Variants in SUGCT observed in about 807,000 individuals in gnomAD.
SUGCT encodes the protein succinyl-CoA:glutarate-CoA transferase.
In SUGCT, 41 loss-of-function variants were observed where a neutral mutation model predicts 55.0. The ratio of observed to expected loss-of-function variants is 0.74; its 90% CI spans 0.58 to 0.97. The LOEUF (loss-of-function observed/expected upper bound fraction) is 0.97. Ranked by LOEUF, SUGCT falls within the 50% of genes least tolerant of loss-of-function variation. The pLI, the probability that SUGCT is intolerant of heterozygous loss-of-function variation, is 0.00. For missense variants in SUGCT, 568 were observed against 547.8 expected (o/e 1.04, Z -0.37); for synonymous variants, 187 against 200.4 (o/e 0.93, Z 0.56).
the SUGCT span, among the ~76,000 whole-genome samples, chr7:40,928,549 ATTTTT>A: frequency 6.6e-6 from 1 of 151,200 alleles, no homozygotes; most frequent in African/African-American, 2.4e-5. Context: ...TTTGTTTCAC[ATTTTT>A]AATGTAAAGT....
At chr7:40,793,814 C>A (rs1563008311) in intron 13 of SUGCT, among the ~76,000 whole-genome samples, 2 of 151,990 alleles carry the variant, frequency 1.3e-5, no homozygotes, top group Non-Finnish European at 2.9e-5. Context: ...TTTTAACTTT[C>A]ATATTTTTAA....
chr7:40,197,400 C>A (rs1450083200), intron 6 of SUGCT, among the ~76,000 whole-genome samples: 1 of 152,184 alleles, frequency 6.6e-6, no homozygotes, highest in African/African-American at 2.4e-5. Context: ...AAAAACGCTG[C>A]ATAGCCAACA....
intron 9 of SUGCT, among the ~76,000 whole-genome samples, chr7:40,420,321 A>G (rs1787238297): frequency 6.6e-6 from 1 of 151,726 alleles, no homozygotes; most frequent in African/African-American, 2.4e-5. Context: ...AAGAGTATGT[A>G]GTTTTTTTTG....
chr7:40,271,547 T>A (rs1326583952), intron 7 of SUGCT, among the ~76,000 whole-genome samples: 1 of 152,160 alleles, frequency 6.6e-6, no homozygotes, highest in African/African-American at 2.4e-5. Flanking sequence ...TTTTTTTAGC[T>A]TTTTAAAAAT....
In SUGCT at chr7:40,354,511, A is replaced by G. The variant is rs115225255; in HGVS notation, c.816+37656A>G. 3.6e-3 allele frequency among the ~76,000 whole-genome samples: 542 copies of G among 152,358 alleles called. 3 individuals carry two copies. The highest frequency in any genetic ancestry group is 0.012 in the African/African-American group (518 of 41,582). On this transcript the variant is annotated intron_variant, in intron 9 of 13. Coordinates refer to ENST00000335693, the MANE Select transcript of SUGCT (RefSeq NM_001193313.2). ...AGTGCCCACATGAGAGGGAGCCACA[A>G]AGAAATTCTTCTATCTCTTTTTCTT...
At chr7:40,881,083 C>G in the SUGCT span, among the ~76,000 whole-genome samples, 1 of 152,316 alleles carries the variant, frequency 6.6e-6, no homozygotes, top group South Asian at 2.1e-4. Flanking sequence ...CCATCTCATC[C>G]TCCACTATGA....
chr7:40,556,647 T>TTAG (rs1247110974), intron 12 of SUGCT, among the ~76,000 whole-genome samples: 4 of 152,236 alleles, frequency 2.6e-5, no homozygotes, highest in African/African-American at 9.7e-5. Flanking sequence ...GTTCTACCAC[T>TTAG]TAGTGGCCAT....
the SUGCT span, among the ~76,000 whole-genome samples, chr7:40,912,110 T>C: frequency 1.3e-5 from 2 of 150,066 alleles, no homozygotes; most frequent in Non-Finnish European, 3.0e-5. Flanking sequence ...TTCAACTTAC[T>C]GTGACAGCTT....
chr7:40,364,496 G>A (rs9769180), intron 9 of SUGCT, among the ~76,000 whole-genome samples: 1 of 152,038 alleles, frequency 6.6e-6, no homozygotes, highest in South Asian at 2.1e-4. Flanking sequence ...AGGAGCTCTT[G>A]TAGGGCAGGC....
the SUGCT span, among the ~76,000 whole-genome samples, chr7:40,963,666 T>G: frequency 2.6e-5 from 4 of 152,338 alleles, no homozygotes; most frequent in Admixed American, 2.0e-4. Flanking sequence ...TGGGGGAATA[T>G]TGCTTACATA....
chr7:41,036,249 C>T, the SUGCT span, among the ~76,000 whole-genome samples: 4 of 152,146 alleles, frequency 2.6e-5, no homozygotes. Flanking sequence ...CTGTGTCTGG[C>T]CTCACCAGGA....
intron 9 of SUGCT, among the ~76,000 whole-genome samples, chr7:40,350,839 C>T (rs1433990521): frequency 5.3e-5 from 8 of 151,688 alleles, no homozygotes; most frequent in Admixed American, 5.3e-4. Context: ...TCCCTGTGTC[C>T]ATGTGTTTTC....
At chr7:40,156,031 GT>G (rs1191079526) in intron 1 of SUGCT, among the ~76,000 whole-genome samples, 128 of 151,890 alleles carry the variant, frequency 8.4e-4, no homozygotes, top group Non-Finnish European at 7.4e-5. Context: ...TAATTTTTGT[GT>G]TTTTAGTAGG....
At chr7:40,724,898 C>T (rs1456540626) in intron 12 of SUGCT, among the ~76,000 whole-genome samples, 1 of 151,964 alleles carries the variant, frequency 6.6e-6, no homozygotes, top group Non-Finnish European at 1.5e-5. Context: ...AAGTAAATTC[C>T]TTTTAAACAT....
intron 9 of SUGCT, among the ~76,000 whole-genome samples, chr7:40,416,276 G>T (rs1400333677): frequency 6.6e-6 from 1 of 151,678 alleles, no homozygotes; most frequent in Non-Finnish European, 1.5e-5. Context: ...ACCTTGTACA[G>T]TTCCCTTATG....
chr7:40,804,293 T>C (rs1368654183), intron 13 of SUGCT, among the ~76,000 whole-genome samples: 1 of 152,202 alleles, frequency 6.6e-6, no homozygotes, highest in Non-Finnish European at 1.5e-5. Flanking sequence ...GATCTAGTTC[T>C]TTTATTTTTC....
intron 7 of SUGCT, among the ~76,000 whole-genome samples, chr7:40,256,148 A>G (rs1790798314): frequency 6.6e-6 from 1 of 152,168 alleles, no homozygotes; most frequent in Admixed American, 6.6e-5. Flanking sequence ...TCTGAGAGAA[A>G]AATAGAGAGG....
chr7:40,681,950 G>A (rs768667509), intron 12 of SUGCT, among the ~76,000 whole-genome samples: 10 of 152,124 alleles, frequency 6.6e-5, no homozygotes, highest in Non-Finnish European at 1.3e-4. Context: ...GTGGGGGTCT[G>A]GGTTTCTGAA....
intron 6 of SUGCT, among the ~76,000 whole-genome samples, chr7:40,205,759 A>G (rs780080588): frequency 6.6e-6 from 1 of 151,880 alleles, no homozygotes; most frequent in Non-Finnish European, 1.5e-5. Context: ...ACATAAATGT[A>G]TGTGGTCTAC....
Sources: allele counts gnomAD v4.1 joint callset (sites outside exome capture counted in the v4.1 genomes callset), GRCh38; gene constraint gnomAD v4.1.1; transcripts MANE v1.5; gene names NCBI Gene and HGNC (gene_info 2026-07-23, HGNC 2026-07-21).